LRPPRC: variants seen among roughly 807,000 people sequenced by gnomAD.
The protein encoded by LRPPRC is leucine rich pentatricopeptide repeat containing.
Under a neutral mutation model 180.3 loss-of-function variants are expected in LRPPRC, and 120 were observed. That is an observed-to-expected ratio of 0.67 (90% CI 0.57 to 0.77). LRPPRC has a LOEUF of 0.77. Ranked by LOEUF, LRPPRC falls within the 30% of genes least tolerant of loss-of-function variation. The pLI is 0.00. For missense variants in LRPPRC, 2,012 were observed against 1,657.2 expected (o/e 1.21, Z -3.72); for synonymous variants, 723 against 600.0 (o/e 1.21, Z -3.00).
At chr2:43,903,126 C>T (rs757234937) in intron 31 of LRPPRC, 1 of 152,258 alleles carries the variant, frequency 6.6e-6, no homozygotes, top group African/African-American at 2.4e-5. Flanking sequence ...CATTTCACAT[C>T]TGTCTAAAGA....
intron 23 of LRPPRC, among the ~76,000 whole-genome samples, chr2:43,941,765 T>G (rs1196299255): frequency 1.4e-5 from 2 of 144,992 alleles, no homozygotes; most frequent in African/African-American, 5.1e-5. Context: ...TCTGAAAGAG[T>G]CAATAGCCCT....
chr2:43,925,883 A>C lies in LRPPRC; in HGVS notation c.2805+10T>G. 6.2e-7 allele frequency: 1 copy of C among 1,600,228 alleles called. No individual in the cohort carries two copies. Among genetic ancestry groups the C allele is most frequent in the South Asian group, 1.1e-5 (1 of 90,836 alleles). ...TTTAGGTGATTGAGACATCTGAATCAAATACAAACCTGATTATTTGCAACA... is the reference window on the plus strand; with the variant it reads ...TTTAGGTGATTGAGACATCTGAATCCAATACAAACCTGATTATTTGCAACA... On this transcript the variant is annotated intron_variant, in intron 26 of 37. Coordinates refer to ENST00000260665, the MANE Select transcript of LRPPRC (RefSeq NM_133259.4).
chr2:43,958,978 C>A (rs1673230530), intron 13 of LRPPRC: 2 of 463,588 alleles, frequency 4.3e-6, no homozygotes. Flanking sequence ...AAATAGTATT[C>A]TACAGAATAT....
intron 1 of LRPPRC, among the ~76,000 whole-genome samples, chr2:43,990,403 A>AC (rs1379146433): frequency 1.3e-5 from 2 of 152,152 alleles, no homozygotes; most frequent in African/African-American, 4.8e-5. Context: ...AATTTGCAAT[A>AC]CCAGTGTTGT....
Position 43,889,736 on chromosome 2 carries a change from G to A in LRPPRC, c.4126C>T (p.Pro1376Ser), listed in dbSNP as rs762075935. Residue 1376 changes from proline (P) to serine (S), a missense_variant and splice_region_variant, in exon 37 of 38, where the codon CCT (proline) becomes TCT (serine). Transcript: ENST00000260665. ...AGEPVPFIEP[P>S]ESFEFYAQQL... ...CCCCTTAATTAAGAAATACTCACAGGGGGTTCAATGAAAGGGACAGGCTCT... is the reference window on the plus strand; with the variant it reads ...CCCCTTAATTAAGAAATACTCACAGAGGGTTCAATGAAAGGGACAGGCTCT... 2 of 1,611,188 alleles carry A rather than the reference G, an allele frequency of 1.2e-6. No homozygotes were observed. The highest frequency in any genetic ancestry group is 1.3e-5 in the African/African-American group (1 of 74,982).
intron 11 of LRPPRC, among the ~76,000 whole-genome samples, chr2:43,970,593 A>C (rs1673761404): frequency 6.6e-6 from 1 of 152,264 alleles, no homozygotes; most frequent in Non-Finnish European, 1.5e-5. Context: ...TAATCTAATA[A>C]AAATATTTCA....
In LRPPRC at chr2:43,982,416, G is replaced by T; in HGVS notation, c.168C>A (p.Ala56=). ...GPVAGGLLSP[A]RLYAIAAKEK... is the part of the protein sequence containing the mutation. ...CTTTGGCAGCAATGGCATACAGCCT[G>T]GCTGGGCTCAGTAGTCCTCTAAAAA... Residue 56 remains alanine, a synonymous_variant, in exon 2 of 38, where the codon GCC becomes GCA. Transcript: ENST00000260665. 1 of 1,613,360 alleles carries T rather than the reference G, an allele frequency of 6.2e-7. No individual in the cohort carries two copies. The highest frequency in any genetic ancestry group is 8.5e-7 in the Non-Finnish European group (1 of 1,179,330).
chr2:43,899,177 C>A (rs779146193), intron 34 of LRPPRC, 42 bp downstream of exon 34: 15 of 1,377,492 alleles, frequency 1.1e-5, no homozygotes, highest in Non-Finnish European at 1.3e-5. Flanking sequence ...TTACTTCTTG[C>A]AAGCCTCGAG....
At position 43,934,279 on chromosome 2, in the gene LRPPRC, G is replaced by GTTAATA; in HGVS notation, c.2646_2647insTATTAA (p.Ser882_Gln883insTyrTer). ...AGCATCACCATTTCACCTTGTTCTT[G>GTTAATA]GCTCACAAAGTCCATTGCTAGGTAG... is the stretch of plus-strand genomic sequence containing the variant. On this transcript the variant is annotated stop_gained and inframe_insertion, in exon 25 of 38. Coordinates refer to ENST00000260665, the MANE Select transcript of LRPPRC (RefSeq NM_133259.4). LOFTEE classifies it high-confidence loss of function. 6.2e-7 allele frequency: 1 copy of GTTAATA among 1,601,574 alleles called. No homozygotes were observed. The highest frequency in any genetic ancestry group is 8.6e-7 in the Non-Finnish European group (1 of 1,169,452).
chr2:43,992,077 G>A (rs896488971), intron 1 of LRPPRC, among the ~76,000 whole-genome samples: 3 of 152,144 alleles, frequency 2.0e-5, no homozygotes, highest in Non-Finnish European at 4.4e-5. Context: ...GAGTGTTGGT[G>A]AGTGCACGTC....
In LRPPRC at chr2:43,963,606, T is replaced by C. The variant is rs751704090; in HGVS notation, c.1470A>G (p.Ser490=). ...YVIPCFDSVN[S]ARAILQENGC... is the part of the protein sequence containing the mutation. ...TACTCACCTGCAAAATGGCTCGTGC[T>C]GAGTTTACACTATCAAAGCATGGAA... The change falls in exon 12 of 38, where the codon TCA becomes TCG. Residue 490 remains serine (S), a synonymous_variant. Coordinates refer to ENST00000260665, the MANE Select transcript of LRPPRC (RefSeq NM_133259.4). 1 of 1,604,402 alleles carries C rather than the reference T, an allele frequency of 6.2e-7. No individual in the cohort carries two copies. The highest frequency in any genetic ancestry group is 8.5e-7 in the Non-Finnish European group (1 of 1,171,306).
intron 3 of LRPPRC, among the ~76,000 whole-genome samples, chr2:43,979,311 T>C (rs903315466): frequency 1.2e-4 from 19 of 152,156 alleles, no homozygotes; most frequent in Admixed American, 1.2e-3. Context: ...AATTTTTATT[T>C]ATACTCTGGA....
At chr2:43,966,275 T>C (rs1673553776) in intron 11 of LRPPRC, among the ~76,000 whole-genome samples, 1 of 152,140 alleles carries the variant, frequency 6.6e-6, no homozygotes, top group Admixed American at 6.5e-5. Flanking sequence ...AACTCTGTTA[T>C]GGGACTGGGG....
At chr2:43,945,504 G>C in intron 21 of LRPPRC, 87 bp from the exon 22 acceptor site, 1 of 814,070 alleles carries the variant, frequency 1.2e-6, no homozygotes, top group Non-Finnish European at 2.1e-6. Context: ...CTTTTCAAAA[G>C]CTCATCAGAA....
At chr2:43,949,294 A>C (rs1411632392) in intron 16 of LRPPRC, among the ~76,000 whole-genome samples, 3 of 152,164 alleles carry the variant, frequency 2.0e-5, no homozygotes, top group Non-Finnish European at 2.9e-5. Context: ...ACACCTGCAA[A>C]ACATTAAAAG....
In LRPPRC at chr2:43,973,644, T is replaced by A. The variant is rs779590465; in HGVS notation, c.1332A>T (p.Pro444=). 2 of 1,613,924 alleles carry A rather than the reference T, an allele frequency of 1.2e-6. No homozygotes were observed. Among genetic ancestry groups the A allele is most frequent in the African/African-American group, 1.3e-5 (1 of 74,932 alleles). Residue 444 remains proline (P), a synonymous_variant, in exon 11 of 38, where the codon CCA becomes CCT. Coordinates refer to ENST00000260665, the MANE Select transcript of LRPPRC (RefSeq NM_133259.4). Reference sequence around the variant, plus strand: ...TTTCCTTCCGACGTCCAACTAGCAATGGCCAGAAATAGTGAGGTCTGATAG... The same window carrying A: ...TTTCCTTCCGACGTCCAACTAGCAAAGGCCAGAAATAGTGAGGTCTGATAG... ...GFPIRPHYFW[P]LLVGRRKEKN...
chr2:43,986,066 G>A (rs1674514900), intron 1 of LRPPRC, among the ~76,000 whole-genome samples: 1 of 152,070 alleles, frequency 6.6e-6, no homozygotes, highest in Admixed American at 6.6e-5. Flanking sequence ...ATAAGCTGTT[G>A]AACATCTTTT....
intron 2 of LRPPRC, among the ~76,000 whole-genome samples, chr2:43,981,710 G>A (rs898851431): frequency 6.6e-5 from 10 of 151,850 alleles, no homozygotes; most frequent in Admixed American, 3.9e-4. Context: ...TTGCCCAGAT[G>A]AGTTGACAAG....
chr2:43,892,874 G>A (rs1034464566), intron 36 of LRPPRC: 2 of 152,128 alleles, frequency 1.3e-5, no homozygotes, highest in African/African-American at 4.8e-5. Flanking sequence ...ATGGATCTGG[G>A]CAAAGTAAAC....
Sources: allele counts gnomAD v4.1 joint callset (sites outside exome capture counted in the v4.1 genomes callset), GRCh38; gene constraint gnomAD v4.1.1; transcripts MANE v1.5; gene names NCBI Gene and HGNC (gene_info 2026-07-23, HGNC 2026-07-21).